The following LRCH3 variants were observed in gnomAD, a reference collection of about 807,000 sequenced individuals.
LRCH3 encodes the protein DISP complex protein LRCH3.
In LRCH3, 68 loss-of-function variants were observed where a neutral mutation model predicts 104.5. The ratio of observed to expected loss-of-function variants is 0.65; its 90% CI spans 0.54 to 0.80. LRCH3 has a LOEUF of 0.80. Ranked by LOEUF, LRCH3 falls within the 30% of genes least tolerant of loss-of-function variation. LRCH3 has a pLI of 0.00. For synonymous variants in LRCH3, 344 were observed against 361.3 expected (o/e 0.95, Z 0.54); for missense variants, 951 against 953.9 (o/e 1.00, Z 0.04).
At chr3:197,832,437 A>G in intron 8 of LRCH3, 120 bp downstream of exon 8, 2 of 933,804 alleles carry the variant, frequency 2.1e-6, no homozygotes, top group Non-Finnish European at 3.1e-6. Flanking sequence ...TCTTTTAAAG[A>G]CTTCTTTTCA....
chr3:197,843,334 T>G (rs961230722), intron 10 of LRCH3, among the ~76,000 whole-genome samples: 2 of 152,158 alleles, frequency 1.3e-5, no homozygotes, highest in Non-Finnish European at 2.9e-5. Flanking sequence ...CAGTTTAGTC[T>G]GCCTTATACT....
chr3:197,848,123 T>A lies in LRCH3; in HGVS notation c.1530+102T>A, dbSNP rs77828709. The A allele has an allele frequency of 3.7e-4, 442 of 1,191,132 alleles. 4 individuals are homozygous for A. The African/African-American group carries it at 5.8e-3, about 16-fold the overall frequency. 73.8% of individuals were successfully genotyped at this position (1,191,132 alleles called of 1,614,324 possible). ...TATTGTCCATTAAAATGTCGACCAT[T>A]TTTCTCTCTGTAAGGAATCTTGACT... On this transcript the variant is annotated intron_variant, in intron 12 of 20. Transcript: ENST00000425562.
chr3:197,792,577 T>TTATATATATATGTATATATATATATATA (rs1553912027), intron 1 of LRCH3, among the ~76,000 whole-genome samples: 2 of 20,346 alleles, frequency 9.8e-5, no homozygotes, highest in South Asian at 2.2e-3. Context: ...CCAGCTAATT[T>TTATATATATATGTATATATATATATATA]TATATATATA....
chr3:197,827,933 C>T (rs529421230), intron 5 of LRCH3, among the ~76,000 whole-genome samples: 8 of 151,838 alleles, frequency 5.3e-5, no homozygotes, highest in African/African-American at 9.7e-5. Context: ...AAAAATTAGC[C>T]GGGTGCGGTG....
At chr3:197,844,986 CATTG>C (rs531878897) in intron 10 of LRCH3, among the ~76,000 whole-genome samples, 6 of 152,194 alleles carry the variant, frequency 3.9e-5, no homozygotes, top group Non-Finnish European at 7.4e-5. Context: ...ATGTCAAGAT[CATTG>C]ACAGACTTGT....
rs1741452568 is a variant in LRCH3 at position 197,866,103 on chromosome 3, C to T, written c.1766-9C>T. On this transcript the variant is annotated splice_polypyrimidine_tract_variant and intron_variant, in intron 16 of 20. Coordinates refer to ENST00000425562, the MANE Select transcript of LRCH3 (RefSeq NM_001365715.1). ...CTTTAATCTCATTTTATTTTTCATG[C>T]TAATTTAGTTCATCATTCCCCTGCA... 6.3e-7 allele frequency: 1 copy of T among 1,584,052 alleles called. No homozygotes were observed. The highest frequency in any genetic ancestry group is 8.7e-7 in the Non-Finnish European group (1 of 1,153,172).
chr3:197,848,342 G>A (rs1739068185), intron 12 of LRCH3: 1 of 204,084 alleles, frequency 4.9e-6, no homozygotes, highest in Non-Finnish European at 1.0e-5. Context: ...CCGTGCAGAT[G>A]CAAACTGTTA....
intron 4 of LRCH3, among the ~76,000 whole-genome samples, chr3:197,823,843 C>T (rs569609686): frequency 1.3e-5 from 2 of 152,248 alleles, no homozygotes; most frequent in East Asian, 1.9e-4. Context: ...GCAACTTTGA[C>T]ACTTATGTCA....
intron 1 of LRCH3, among the ~76,000 whole-genome samples, chr3:197,796,244 A>G (rs1372110070): frequency 1.3e-5 from 2 of 152,068 alleles, no homozygotes; most frequent in Non-Finnish European, 2.9e-5. Context: ...GACAGAACTC[A>G]AGGGATCTAA....
intron 2 of LRCH3, among the ~76,000 whole-genome samples, 188 bp downstream of exon 2, chr3:197,815,240 G>A (rs1733672628): frequency 6.6e-6 from 1 of 151,986 alleles, no homozygotes; most frequent in African/African-American, 2.4e-5. Flanking sequence ...TGGCTTTGCA[G>A]TACAGATGCT....
intron 1 of LRCH3, among the ~76,000 whole-genome samples, chr3:197,797,122 G>C (rs1731299049): frequency 6.6e-6 from 1 of 152,036 alleles, no homozygotes. Flanking sequence ...GATGTCAGGA[G>C]TTCAAGACCA....
chr3:197,829,492 A>G (rs1735645325), intron 5 of LRCH3, 72 bp from the exon 6 acceptor site: 1 of 898,810 alleles, frequency 1.1e-6, no homozygotes, highest in Non-Finnish European at 1.7e-6. Context: ...GTTACATAAA[A>G]TGTTGATATG....
chr3:197,879,376 G>A (rs1476084885), intron 20 of LRCH3, among the ~76,000 whole-genome samples: 2 of 152,186 alleles, frequency 1.3e-5, no homozygotes, highest in Non-Finnish European at 2.9e-5. Context: ...GCCGGGCGCG[G>A]TGGCTCACGC....
At chr3:197,832,418 C>A (rs541812570) in intron 8 of LRCH3, 101 bp downstream of exon 8, 2 of 1,129,916 alleles carry the variant, frequency 1.8e-6, no homozygotes, top group Admixed American at 5.2e-5. Flanking sequence ...TCTATAGCTT[C>A]TTCACTCTTC....
intron 8 of LRCH3, among the ~76,000 whole-genome samples, chr3:197,833,391 A>AAAAAAAAAG (rs60318472): frequency 1.3e-5 from 2 of 149,130 alleles, no homozygotes; most frequent in Non-Finnish European, 3.0e-5. Flanking sequence ...AAAAAAAAAA[A>AAAAAAAAAG]GCAGGGCATA....
intron 14 of LRCH3, among the ~76,000 whole-genome samples, chr3:197,855,697 A>C (rs531358711): frequency 6.6e-6 from 1 of 152,342 alleles, no homozygotes; most frequent in South Asian, 2.1e-4. Flanking sequence ...TCAACAAAAC[A>C]GTGGAATTTA....
At chr3:197,822,457 G>A (rs1362781011) in intron 4 of LRCH3, among the ~76,000 whole-genome samples, 1 of 152,156 alleles carries the variant, frequency 6.6e-6, no homozygotes, top group African/African-American at 2.4e-5. Context: ...TGAAAATTGA[G>A]CATTTCAGAT....
intron 1 of LRCH3, among the ~76,000 whole-genome samples, chr3:197,807,517 G>T (rs1418920731): frequency 6.6e-6 from 1 of 151,970 alleles, no homozygotes; most frequent in Non-Finnish European, 1.5e-5. Context: ...CACCATGCCC[G>T]GCCGCATCAT....
In LRCH3 at chr3:197,875,749, G is replaced by A. The variant is rs1276172982; in HGVS notation, c.2182G>A (p.Ala728Thr). Residue 728 changes from alanine (A) to threonine (T), a missense_variant, in exon 20 of 21, where the codon GCT (alanine) becomes ACT (threonine). Ala to Thr is a moderately conservative substitution (Grantham distance 58, BLOSUM62 0). Coordinates refer to ENST00000425562, the MANE Select transcript of LRCH3 (RefSeq NM_001365715.1). Reference sequence around the variant, plus strand: ...GCGAAATGTGGAAAATTTCCTAGAAGCTTGCAGAAAAATTGGTGTACCTCA... The same window carrying A: ...GCGAAATGTGGAAAATTTCCTAGAAACTTGCAGAAAAATTGGTGTACCTCA... ...CRRNVENFLEACRKIGVPQEQ... is the reference protein window; with the variant it reads ...CRRNVENFLETCRKIGVPQEQ... 6.5e-7 allele frequency: 1 copy of A among 1,534,752 alleles called. No homozygotes were observed. The highest frequency in any genetic ancestry group is 2.0e-5 in the Admixed American group (1 of 50,980).
Sources: allele counts gnomAD v4.1 joint callset (sites outside exome capture counted in the v4.1 genomes callset), GRCh38; gene constraint gnomAD v4.1.1; transcripts MANE v1.5; gene names NCBI Gene and HGNC (gene_info 2026-07-23, HGNC 2026-07-21).